Variants in GRIA1 observed in about 807,000 individuals in gnomAD.
GRIA1 encodes the protein glutamate receptor 1.
In GRIA1, 31 loss-of-function variants were observed where a neutral mutation model predicts 99.2. The ratio of observed to expected loss-of-function variants is 0.31; its 90% CI spans 0.23 to 0.42. GRIA1 has a LOEUF of 0.42. Among genes scored for constraint, GRIA1 ranks in the 10% least tolerant of loss-of-function variants. The probability of loss-of-function intolerance (pLI) is 1.00; values close to 1 mark genes in which losing one functional copy is unlikely to be tolerated. For missense variants in GRIA1, 782 were observed against 1,157.5 expected (o/e 0.68, Z 4.71); for synonymous variants, 438 against 432.4 (o/e 1.01, Z -0.16).
intron 2 of GRIA1, among the ~76,000 whole-genome samples, chr5:153,537,290 G>A (rs1219483509): frequency 1.3e-5 from 2 of 152,170 alleles, no homozygotes; most frequent in Admixed American, 6.5e-5. Context: ...CTGGAATTCT[G>A]CAGCAGCCTG....
chr5:153,557,262 T>C (rs1034403871), intron 2 of GRIA1, among the ~76,000 whole-genome samples: 1 of 152,150 alleles, frequency 6.6e-6, no homozygotes, highest in African/African-American at 2.4e-5. Flanking sequence ...AGAAGTCTAT[T>C]TTTATTTCAT....
chr5:153,508,153 T>G (rs1755719238), intron 2 of GRIA1, among the ~76,000 whole-genome samples: 1 of 152,096 alleles, frequency 6.6e-6, no homozygotes, highest in African/African-American at 2.4e-5. Flanking sequence ...TAGTGCTACA[T>G]TAGATGGGTG....
chr5:153,542,529 G>A (rs1216445806), intron 2 of GRIA1, among the ~76,000 whole-genome samples: 1 of 152,338 alleles, frequency 6.6e-6, no homozygotes, highest in Admixed American at 6.5e-5. Context: ...TTTGCCATAG[G>A]ATGAAATTAT....
At chr5:153,601,726 G>T (rs1490259858) in intron 2 of GRIA1, among the ~76,000 whole-genome samples, 1 of 152,208 alleles carries the variant, frequency 6.6e-6, no homozygotes, top group East Asian at 1.9e-4. Flanking sequence ...TTGTTCACAG[G>T]ATGATTTCAG....
intron 2 of GRIA1, among the ~76,000 whole-genome samples, chr5:153,619,830 A>T (rs1391475044): frequency 6.6e-6 from 1 of 152,190 alleles, no homozygotes; most frequent in Non-Finnish European, 1.5e-5. Context: ...AAACTTAAAG[A>T]GTCAGGAAAT....
chr5:153,695,052 G>T (rs545057907), intron 8 of GRIA1, among the ~76,000 whole-genome samples: 1 of 152,164 alleles, frequency 6.6e-6, no homozygotes, highest in East Asian at 1.9e-4. Context: ...ATTTTCCCAG[G>T]TTTGTATTGA....
intron 2 of GRIA1, among the ~76,000 whole-genome samples, chr5:153,587,862 C>T (rs1007875025): frequency 6.6e-6 from 1 of 152,272 alleles, no homozygotes; most frequent in South Asian, 2.1e-4. Context: ...AAATAACCAC[C>T]TGCATAAATG....
chr5:153,520,942 G>T (rs1404569198), intron 2 of GRIA1, among the ~76,000 whole-genome samples: 1 of 152,198 alleles, frequency 6.6e-6, no homozygotes, highest in Non-Finnish European at 1.5e-5. Context: ...TATAAAAACA[G>T]AGGTTTAGTA....
intron 11 of GRIA1, among the ~76,000 whole-genome samples, chr5:153,758,974 A>G (rs1166503881): frequency 6.6e-6 from 1 of 152,000 alleles, no homozygotes; most frequent in East Asian, 1.9e-4. Flanking sequence ...GAAATTAAAC[A>G]ACATTCTCCT....
chr5:153,632,370 T>A (rs1753042631), intron 2 of GRIA1, among the ~76,000 whole-genome samples: 2 of 152,164 alleles, frequency 1.3e-5, no homozygotes, highest in African/African-American at 2.4e-5. Context: ...ATGACCAAAC[T>A]TACAGCTAAT....
intron 2 of GRIA1, among the ~76,000 whole-genome samples, chr5:153,499,433 G>A (rs369129131): frequency 6.1e-4 from 93 of 151,814 alleles, no homozygotes; most frequent in Non-Finnish European, 1.1e-3. Flanking sequence ...GGCTAATACA[G>A]TGAAACCCCA....
intron 2 of GRIA1, among the ~76,000 whole-genome samples, chr5:153,630,901 A>G (rs1443653136): frequency 6.6e-6 from 1 of 152,176 alleles, no homozygotes; most frequent in Non-Finnish European, 1.5e-5. Flanking sequence ...TGCAGAACCT[A>G]TGGAGGAAAT....
At chr5:153,519,541 T>C (rs78115154) in intron 2 of GRIA1, among the ~76,000 whole-genome samples, 3,993 of 151,990 alleles carry the variant, frequency 0.026, 80 homozygotes, top group Non-Finnish European at 0.036. Context: ...AGAAGCCAGA[T>C]TGTGACTGAA....
At chr5:153,603,561 G>A (rs1004348147) in intron 2 of GRIA1, among the ~76,000 whole-genome samples, 2 of 152,068 alleles carry the variant, frequency 1.3e-5, no homozygotes, top group Non-Finnish European at 2.9e-5. Flanking sequence ...TATTTATTGA[G>A]TGCCTAAGGT....
At chr5:153,699,922 T>C (rs897730686) in intron 10 of GRIA1, among the ~76,000 whole-genome samples, 2 of 152,144 alleles carry the variant, frequency 1.3e-5, no homozygotes, top group African/African-American at 4.8e-5. Flanking sequence ...CTTTATGAGG[T>C]AGAAAAGACC....
At chr5:153,618,793 G>A (rs745786760) in intron 2 of GRIA1, among the ~76,000 whole-genome samples, 1 of 152,184 alleles carries the variant, frequency 6.6e-6, no homozygotes, top group Non-Finnish European at 1.5e-5. Flanking sequence ...GCCTAGGTCT[G>A]CAAGTATTTA....
chr5:153,493,990 C>T lies in GRIA1; in HGVS notation c.145C>T (p.Leu49Phe), dbSNP rs1754177699. The change falls in exon 2 of 16, where the codon CTC becomes TTC. Residue 49 changes from leucine to phenylalanine, a missense_variant. Around this residue, in one of 5 missense-constraint regions of GRIA1, gnomAD observed 461 missense variants for 521.7 expected, o/e 0.88. Transcript: ENST00000285900. ...HAAFRFALSQ[L>F]TEPPKLLPQI... ...TGCTTTTAGATTTGCTTTGTCGCAA[C>T]TCACAGAGCCCCCGAAGCTGCTCCC... 1 of 1,614,044 alleles carries T rather than the reference C, an allele frequency of 6.2e-7. No homozygotes were observed. The highest frequency in any genetic ancestry group is 2.2e-5 in the East Asian group (1 of 44,866).
intron 5 of GRIA1, 41 bp from the exon 6 acceptor site, chr5:153,674,459 A>C: frequency 1.2e-6 from 2 of 1,610,090 alleles, no homozygotes. Flanking sequence ...TGATTTATCC[A>C]GGCAGCATGT....
intron 2 of GRIA1, among the ~76,000 whole-genome samples, chr5:153,572,800 A>G (rs1762230208): frequency 6.6e-6 from 1 of 152,216 alleles, no homozygotes; most frequent in African/African-American, 2.4e-5. Flanking sequence ...TCTTCTTCAA[A>G]GCTGTGTTCC....
Sources: allele counts gnomAD v4.1 joint callset (sites outside exome capture counted in the v4.1 genomes callset), GRCh38; gene constraint gnomAD v4.1.1; regional missense constraint gnomAD v4.1.1; transcripts MANE v1.5; gene names NCBI Gene and HGNC (gene_info 2026-07-23, HGNC 2026-07-21).